Variants in STAG1 observed in about 807,000 individuals in gnomAD.
STAG1 encodes STAG1 cohesin complex component, also known as cohesin subunit SA-1.
Under a neutral mutation model 170.9 loss-of-function variants are expected in STAG1, and 26 were observed. That is an observed-to-expected ratio of 0.15 (90% confidence interval 0.11 to 0.21). STAG1 has a LOEUF of 0.21. Ranked by LOEUF, STAG1 falls within the 10% of genes least tolerant of loss-of-function variation. The probability of loss-of-function intolerance (pLI) is 1.00; values close to 1 mark genes in which losing one functional copy is unlikely to be tolerated. For missense variants in STAG1, 964 were observed against 1,509.5 expected (o/e 0.64, Z 5.99); for synonymous variants, 514 against 497.7 (o/e 1.03, Z -0.44).
intron 16 of STAG1, among the ~76,000 whole-genome samples, chr3:136,428,045 A>G (rs927268192): frequency 1.2e-4 from 19 of 152,164 alleles, no homozygotes; most frequent in African/African-American, 4.1e-4. Context: ...ATCTGCCTGC[A>G]AAGGTTTTTA....
At chr3:136,543,491 A>G (rs1022752080) in intron 5 of STAG1, among the ~76,000 whole-genome samples, 11 of 152,312 alleles carry the variant, frequency 7.2e-5, no homozygotes, top group East Asian at 5.8e-4. Context: ...ATATCTATAT[A>G]GACAACAATA....
intron 9 of STAG1, among the ~76,000 whole-genome samples, chr3:136,481,669 T>G (rs1417048365): frequency 1.1e-5 from 1 of 87,114 alleles, no homozygotes; most frequent in Non-Finnish European, 2.3e-5. Flanking sequence ...CAGTTCCTCC[T>G]TGTACCTCTG....
chr3:136,395,981 G>A (rs1203878228), intron 22 of STAG1, among the ~76,000 whole-genome samples: 1 of 151,958 alleles, frequency 6.6e-6, no homozygotes, highest in East Asian at 1.9e-4. Context: ...TTGGCTCACT[G>A]CAACCTCTAG....
chr3:136,542,606 CACTG>C (rs912853658), intron 5 of STAG1, among the ~76,000 whole-genome samples: 11 of 151,238 alleles, frequency 7.3e-5, no homozygotes, highest in African/African-American at 2.2e-4. Flanking sequence ...GCAAAACATC[CACTG>C]ACTAACACAT....
rs539238801 is a variant in STAG1 at position 136,477,991 on chromosome 3, T to C, written c.903-579A>G. Among the ~76,000 whole-genome samples, 4 of 152,128 alleles carry C rather than the reference T, an allele frequency of 2.6e-5. No individual in the cohort carries two copies. The South Asian group carries it at 8.3e-4, about 32-fold the overall frequency. On this transcript the variant is annotated intron_variant, in intron 9 of 33. Coordinates refer to ENST00000383202, the MANE Select transcript of STAG1 (RefSeq NM_005862.3). ...TTTTAGTAGAGATGGGGTTTCATCA[T>C]ATTGGCCAGGGTGGTCTTGAACTCC...
At position 136,400,321 on chromosome 3, in the gene STAG1, G is replaced by A. The variant is rs537555725; in HGVS notation, c.2197-1492C>T. ...CGGCTCACTGCAAACTCCACCTACC[G>A]GGTTCAAACAATTCTCCTACCTCAG... On this transcript the variant is annotated intron_variant, in intron 21 of 33. Transcript: ENST00000383202. Among the ~76,000 whole-genome samples the A allele has an allele frequency of 1.1e-4, 16 of 151,876 alleles. No individual in the cohort carries two copies. In the South Asian group the frequency reaches 3.1e-3, roughly 29 times the overall value.
intron 1 of STAG1, among the ~76,000 whole-genome samples, chr3:136,691,810 A>G (rs911223478): frequency 2.6e-4 from 40 of 152,228 alleles, no homozygotes; most frequent in Non-Finnish European, 4.4e-4. Context: ...TACAGGGAAG[A>G]GGAACTAAGT....
At chr3:136,357,606 C>G in intron 28 of STAG1, 114 bp downstream of exon 28, 1 of 782,426 alleles carries the variant, frequency 1.3e-6, no homozygotes, top group Middle Eastern at 4.0e-4. Flanking sequence ...AACAAACTAT[C>G]AGAGCCTAAA....
intron 1 of STAG1, among the ~76,000 whole-genome samples, chr3:136,714,215 T>G (rs1372351265): frequency 4.6e-5 from 7 of 151,992 alleles, no homozygotes; most frequent in Non-Finnish European, 1.0e-4. Flanking sequence ...CAAAAAAGTG[T>G]AATTTCATCT....
intron 1 of STAG1, among the ~76,000 whole-genome samples, chr3:136,724,690 T>G (rs929311483): frequency 6.6e-6 from 1 of 151,722 alleles, no homozygotes; most frequent in Admixed American, 6.6e-5. Flanking sequence ...GCTCAGTAGC[T>G]CAGAGCCAGG....
rs986075585 is a variant in STAG1, at chr3:136,443,372, A to G, written c.1461T>C (p.Ser487=). 3 of 1,612,994 alleles carry G rather than the reference A, an allele frequency of 1.9e-6. No homozygotes were observed. The highest frequency in any genetic ancestry group is 1.7e-5 in the Admixed American group (1 of 59,892). The change falls in exon 15 of 34, where the codon AGT becomes AGC. Residue 487 remains serine, a synonymous_variant. Coordinates refer to ENST00000383202, the MANE Select transcript of STAG1 (RefSeq NM_005862.3). ...ACAGTTCTTGAGAGCTCTCCCATAAACTGTCCACCAAGTAGGCTGCATGTT... is the reference window on the plus strand; with the variant it reads ...ACAGTTCTTGAGAGCTCTCCCATAAGCTGTCCACCAAGTAGGCTGCATGTT... ...LHEHAAYLVD[S]LWESSQELLK...
intron 1 of STAG1, among the ~76,000 whole-genome samples, chr3:136,701,900 T>A (rs1040167460): frequency 6.6e-6 from 1 of 152,132 alleles, no homozygotes; most frequent in Non-Finnish European, 1.5e-5. Context: ...CCCCCAGAGT[T>A]TTACTGTGCA....
chr3:136,394,965 A>G (rs924652225), intron 22 of STAG1, among the ~76,000 whole-genome samples: 1 of 148,096 alleles, frequency 6.8e-6, no homozygotes, highest in Non-Finnish European at 1.5e-5. Flanking sequence ...AAAAAAATGT[A>G]GCTAGGCGTG....
At chr3:136,575,354 A>T (rs1384643439) in intron 4 of STAG1, among the ~76,000 whole-genome samples, 2 of 152,148 alleles carry the variant, frequency 1.3e-5, no homozygotes, top group Non-Finnish European at 2.9e-5. Context: ...CCTCTCAAGT[A>T]GCTGGGAACA....
intron 3 of STAG1, among the ~76,000 whole-genome samples, chr3:136,611,900 T>A (rs538166385): frequency 6.6e-6 from 1 of 151,948 alleles, no homozygotes; most frequent in South Asian, 2.1e-4. Flanking sequence ...CAGGCTGAAG[T>A]GCAGTGGCGC....
Position 136,502,792 on chromosome 3 carries a change from G to A in STAG1, c.677-13C>T, listed in dbSNP as rs1362206308. ...ATGAGCTTCATGGCTATGAAATGAA[G>A]AAATATTATAATACCTATGAATCAA... is the stretch of plus-strand genomic sequence containing the variant. On this transcript the variant is annotated splice_polypyrimidine_tract_variant and intron_variant, in intron 7 of 33. Transcript: ENST00000383202. The A allele has an allele frequency of 6.4e-7, 1 of 1,566,642 alleles. No homozygotes were observed. Among genetic ancestry groups the A allele is most frequent in the Admixed American group, 1.9e-5 (1 of 51,674 alleles).
At chr3:136,465,353 G>A (rs1206497163) in intron 12 of STAG1, among the ~76,000 whole-genome samples, 1 of 150,928 alleles carries the variant, frequency 6.6e-6, no homozygotes, top group Non-Finnish European at 1.5e-5. Flanking sequence ...CTGAGTAGCT[G>A]AGATTACAGG....
At chr3:136,387,965 T>G (rs937382720) in intron 22 of STAG1, among the ~76,000 whole-genome samples, 8 of 152,160 alleles carry the variant, frequency 5.3e-5, no homozygotes, top group African/African-American at 1.9e-4. Context: ...AAAATTCAGA[T>G]GGAGGACTAA....
chr3:136,672,397 T>C (rs1382581003), intron 1 of STAG1, among the ~76,000 whole-genome samples: 1 of 152,236 alleles, frequency 6.6e-6, no homozygotes, highest in Non-Finnish European at 1.5e-5. Context: ...CTACAACCCT[T>C]GACCCCAAAG....
Sources: allele counts gnomAD v4.1 joint callset (sites outside exome capture counted in the v4.1 genomes callset), GRCh38; gene constraint gnomAD v4.1.1; transcripts MANE v1.5; gene names NCBI Gene and HGNC (gene_info 2026-07-23, HGNC 2026-07-21).